GALNT14: variants seen among roughly 807,000 people sequenced by gnomAD.
GALNT14 encodes the protein polypeptide N-acetylgalactosaminyltransferase 14.
Under a neutral mutation model 77.5 loss-of-function variants are expected in GALNT14, and 60 were observed. The ratio of observed to expected loss-of-function variants is 0.77; its 90% CI spans 0.63 to 0.96. The LOEUF (loss-of-function observed/expected upper bound fraction) is 0.96. Among genes scored for constraint, GALNT14 ranks in the 40% least tolerant of loss-of-function variants. The pLI is 0.00. For synonymous variants in GALNT14, 280 were observed against 281.7 expected, an observed-to-expected ratio of 0.99 and a Z score of 0.06; for missense variants, 710 against 731.0, an observed-to-expected ratio of 0.97 and a Z score of 0.33.
intron 2 of GALNT14, among the ~76,000 whole-genome samples, chr2:30,973,109 T>A (rs1312166183): frequency 6.6e-6 from 1 of 152,198 alleles, no homozygotes; most frequent in Non-Finnish European, 1.5e-5. Flanking sequence ...TTTCCCTAAT[T>A]TCCAGGGCCA....
At chr2:30,945,752 T>C in intron 7 of GALNT14, 31 bp downstream of exon 7, 1 of 1,556,910 alleles carries the variant, frequency 6.4e-7, no homozygotes, top group Non-Finnish European at 8.9e-7. Context: ...AAGAAAATCC[T>C]TACTGGGGAG....
At chr2:30,899,604 T>C in the GALNT14 span, among the ~76,000 whole-genome samples, 112 of 152,080 alleles carry the variant, frequency 7.4e-4, no homozygotes, top group African/African-American at 2.6e-3. Flanking sequence ...TCTTCCTTCA[T>C]TATGTTTGTA....
intron 1 of GALNT14, among the ~76,000 whole-genome samples, chr2:31,051,936 C>T (rs1673897965): frequency 6.6e-6 from 1 of 152,180 alleles, no homozygotes; most frequent in Non-Finnish European, 1.5e-5. Context: ...ACCCAACTCT[C>T]ATTTTCAACT....
chr2:31,064,041 A>C (rs1299657252), intron 1 of GALNT14, among the ~76,000 whole-genome samples: 5 of 152,210 alleles, frequency 3.3e-5, no homozygotes, highest in Admixed American at 3.3e-4. Flanking sequence ...TTGCTTTTGC[A>C]GATGGCAAAG....
intron 1 of GALNT14, among the ~76,000 whole-genome samples, chr2:30,996,961 A>C (rs1301932479): frequency 6.6e-6 from 1 of 152,222 alleles, no homozygotes; most frequent in Non-Finnish European, 1.5e-5. Context: ...ACCACTACAT[A>C]AAGAATAAAT....
intron 1 of GALNT14, among the ~76,000 whole-genome samples, chr2:31,092,547 C>CG (rs1219159955): frequency 6.6e-6 from 1 of 152,088 alleles, no homozygotes; most frequent in African/African-American, 2.4e-5. Context: ...ACATGTGTCA[C>CG]GGGAAGAATG....
At chr2:31,035,527 C>A (rs1672661784) in intron 1 of GALNT14, among the ~76,000 whole-genome samples, 1 of 148,440 alleles carries the variant, frequency 6.7e-6, no homozygotes, top group Non-Finnish European at 1.5e-5. Context: ...AATCAATTCC[C>A]ATCAATGGTA....
chr2:31,010,469 G>A (rs1021764145), intron 1 of GALNT14, among the ~76,000 whole-genome samples: 1 of 152,154 alleles, frequency 6.6e-6, no homozygotes, highest in Non-Finnish European at 1.5e-5. Context: ...AAATAAATTA[G>A]CCGGGCGGGG....
At chr2:31,108,385 G>T (rs1197149541) in intron 1 of GALNT14, among the ~76,000 whole-genome samples, 2 of 152,200 alleles carry the variant, frequency 1.3e-5, no homozygotes, top group Admixed American at 1.3e-4. Context: ...AGTTTTTTCC[G>T]AGTTAGGGAG....
In GALNT14 at chr2:30,978,841, TAGAC is replaced by T. The variant is rs535557631; in HGVS notation, c.300-12543_300-12540del. On this transcript the variant is annotated intron_variant, in intron 2 of 14. Coordinates refer to ENST00000349752, the MANE Select transcript of GALNT14 (RefSeq NM_024572.4). ...GCTGCTCAGGGGCTTGGAAGGGTGA[TAGAC>T]AGTAAGCTGATGTCTGCAATGCACA... Among the ~76,000 whole-genome samples, 4 of 152,220 alleles carry T rather than the reference TAGAC, an allele frequency of 2.6e-5. No homozygotes were observed. The South Asian group carries it at 8.3e-4, about 32-fold the overall frequency.
intron 1 of GALNT14, among the ~76,000 whole-genome samples, chr2:31,134,229 C>A (rs1165084633): frequency 6.6e-6 from 1 of 152,216 alleles, no homozygotes; most frequent in African/African-American, 2.4e-5. Context: ...ACAGCTCTCT[C>A]CAATCTCTAC....
intron 1 of GALNT14, among the ~76,000 whole-genome samples, chr2:31,032,278 G>A (rs12712300): frequency 0.45 from 68,268 of 151,910 alleles, 15,661 homozygotes; most frequent in East Asian, 0.55. Flanking sequence ...GGATCCACTC[G>A]CTCAAGATAC....
chr2:30,985,858 T>C (rs1013530561), intron 2 of GALNT14, among the ~76,000 whole-genome samples: 1 of 152,180 alleles, frequency 6.6e-6, no homozygotes, highest in Non-Finnish European at 1.5e-5. Flanking sequence ...ACTAACGCTG[T>C]GCTGAGCTAG....
chr2:30,924,446 A>G (rs1665233955), intron 12 of GALNT14, 183 bp from the exon 13 acceptor site: 2 of 663,908 alleles, frequency 3.0e-6, no homozygotes, highest in Non-Finnish European at 5.1e-6. Context: ...CCCAGGAGCT[A>G]CAGAGGGAGA....
chr2:31,046,593 T>C (rs1673479501), intron 1 of GALNT14, among the ~76,000 whole-genome samples: 1 of 146,020 alleles, frequency 6.8e-6, no homozygotes, highest in East Asian at 2.1e-4. Context: ...TGTAGGGCAT[T>C]GGTGGGAACA....
chr2:31,131,277 G>T (rs1678979947), intron 1 of GALNT14, among the ~76,000 whole-genome samples: 1 of 152,204 alleles, frequency 6.6e-6, no homozygotes, highest in Non-Finnish European at 1.5e-5. Context: ...TGAGGACCCT[G>T]TGAGGAAAAA....
chr2:30,933,412 T>C (rs1171254717), intron 9 of GALNT14, among the ~76,000 whole-genome samples: 1 of 152,054 alleles, frequency 6.6e-6, no homozygotes, highest in Non-Finnish European at 1.5e-5. Context: ...AGGATACAGG[T>C]ATTACAGGGC....
At chr2:30,971,794 T>A (rs529636517) in intron 2 of GALNT14, among the ~76,000 whole-genome samples, 2 of 151,916 alleles carry the variant, frequency 1.3e-5, no homozygotes, top group Admixed American at 1.3e-4. Context: ...ACTTGGCATG[T>A]CAGAAACATG....
At chr2:30,973,112 C>T (rs1415393108) in intron 2 of GALNT14, among the ~76,000 whole-genome samples, 1 of 152,142 alleles carries the variant, frequency 6.6e-6, no homozygotes, top group Non-Finnish European at 1.5e-5. Flanking sequence ...CCCTAATTTC[C>T]AGGGCCAGAA....
Sources: gnomAD v4.1 joint callset for allele counts (sites outside exome capture counted in the v4.1 genomes callset) on GRCh38, gnomAD v4.1.1 for gene constraint, MANE v1.5 for transcripts, NCBI Gene and HGNC (gene_info 2026-07-23, HGNC 2026-07-21) for gene names.